The following BFSP2 variants were observed in gnomAD, a reference collection of about 807,000 sequenced individuals.
BFSP2 encodes phakinin.
Under a neutral mutation model 44.9 loss-of-function variants are expected in BFSP2, and 38 were observed. The observed-to-expected ratio is 0.85, with a 90% CI of 0.65 to 1.11. BFSP2 has a LOEUF of 1.11. BFSP2 is among the 50% of genes least tolerant of loss of function. The pLI is 0.00. For synonymous variants in BFSP2, 197 were observed against 209.9 expected (o/e 0.94, Z 0.53); for missense variants, 525 against 533.0 (o/e 0.99, Z 0.15).
intron 1 of BFSP2, among the ~76,000 whole-genome samples, chr3:133,417,175 A>C (rs1354189255): frequency 1.2e-4 from 7 of 60,292 alleles, no homozygotes; most frequent in African/African-American, 2.1e-4. Context: ...CACCCCTGCC[A>C]TCTCTCCTCT....
chr3:133,470,583 C>T (rs559028806), intron 5 of BFSP2, among the ~76,000 whole-genome samples: 1 of 152,144 alleles, frequency 6.6e-6, no homozygotes, highest in Non-Finnish European at 1.5e-5. Flanking sequence ...GGACATGGTG[C>T]ATGGGAAGAT....
intron 4 of BFSP2, among the ~76,000 whole-genome samples, chr3:133,460,625 G>T (rs370383728): frequency 6.6e-6 from 1 of 152,044 alleles, no homozygotes; most frequent in Non-Finnish European, 1.5e-5. Flanking sequence ...CTTTGTCCCC[G>T]GGGGGCTAAA....
intron 1 of BFSP2, among the ~76,000 whole-genome samples, chr3:133,413,691 A>G (rs1254522814): frequency 6.6e-6 from 1 of 152,088 alleles, no homozygotes; most frequent in Admixed American, 6.5e-5. Flanking sequence ...GGCTGTCACA[A>G]GTGCATTATT....
intron 3 of BFSP2, chr3:133,448,971 T>TC (rs398106469): frequency 2.9e-6 from 1 of 345,024 alleles, no homozygotes; most frequent in African/African-American, 2.1e-5. Context: ...GGTTTTTTTT[T>TC]CAACACTGTA....
chr3:133,472,297 G>A, intron 5 of BFSP2, 48 bp from the exon 6 acceptor site: 1 of 1,565,380 alleles, frequency 6.4e-7, no homozygotes, highest in Non-Finnish European at 8.6e-7. Flanking sequence ...CCTCTTCAAG[G>A]GCCCGGCCTG....
At chr3:133,457,977 A>G (rs1417279385) in intron 4 of BFSP2, among the ~76,000 whole-genome samples, 1 of 152,236 alleles carries the variant, frequency 6.6e-6, no homozygotes, top group Non-Finnish European at 1.5e-5. Flanking sequence ...ATTTCCATAT[A>G]TAGAAATGTA....
chr3:133,472,898 G>A (rs1358667238), intron 6 of BFSP2, among the ~76,000 whole-genome samples: 1 of 151,814 alleles, frequency 6.6e-6, no homozygotes, highest in Non-Finnish European at 1.5e-5. Context: ...CCTAATTAAT[G>A]AGGCTATAAA....
chr3:133,414,937 CT>C (rs2073500776), intron 1 of BFSP2, among the ~76,000 whole-genome samples: 2 of 116,772 alleles, frequency 1.7e-5, no homozygotes. Flanking sequence ...CTGCTCACCC[CT>C]CTACTCACCC....
chr3:133,441,935 G>T (rs1036057176), intron 1 of BFSP2, among the ~76,000 whole-genome samples: 2 of 152,172 alleles, frequency 1.3e-5, no homozygotes, highest in African/African-American at 4.8e-5. Flanking sequence ...GGAGGAGTGG[G>T]CCAGGCAGGG....
intron 1 of BFSP2, chr3:133,410,993 C>A (rs534789793): frequency 6.6e-6 from 1 of 152,320 alleles, no homozygotes; most frequent in Admixed American, 6.5e-5. Context: ...TGAGCCACTT[C>A]CAAGTGAATC....
At chr3:133,430,107 A>G (rs1296891588) in intron 1 of BFSP2, among the ~76,000 whole-genome samples, 1 of 151,902 alleles carries the variant, frequency 6.6e-6, no homozygotes, top group African/African-American at 2.4e-5. Context: ...ATGGCTGCAT[A>G]GTATTCCATA....
intron 1 of BFSP2, among the ~76,000 whole-genome samples, chr3:133,439,297 A>G (rs1002585321): frequency 3.9e-5 from 6 of 152,154 alleles, no homozygotes; most frequent in African/African-American, 1.4e-4. Flanking sequence ...TTTCTGCCTT[A>G]TGTGTTTGCT....
At chr3:133,459,931 T>C (rs939660749) in intron 4 of BFSP2, among the ~76,000 whole-genome samples, 1 of 152,216 alleles carries the variant, frequency 6.6e-6, no homozygotes, top group Non-Finnish European at 1.5e-5. Context: ...CTGGCCTACA[T>C]TGTAAACCTT....
At chr3:133,473,438 C>CAAAAAA (rs748691333) in intron 6 of BFSP2, among the ~76,000 whole-genome samples, 4 of 73,102 alleles carry the variant, frequency 5.5e-5, no homozygotes, top group Admixed American at 2.0e-4. Flanking sequence ...GAGGCAGCAG[C>CAAAAAA]AAAAAAAAAA....
chr3:133,423,217 C>A (rs920475800), intron 1 of BFSP2, among the ~76,000 whole-genome samples: 3 of 152,152 alleles, frequency 2.0e-5, no homozygotes, highest in African/African-American at 7.2e-5. Context: ...CAGAATATCA[C>A]AGTGGCTAAT....
chr3:133,470,420 T>C (rs2074151609), intron 5 of BFSP2, among the ~76,000 whole-genome samples: 1 of 152,250 alleles, frequency 6.6e-6, no homozygotes, highest in Non-Finnish European at 1.5e-5. Flanking sequence ...CAAAATTTAA[T>C]TCAATCCAAT....
chr3:133,420,984 A>G (rs981950808), intron 1 of BFSP2, among the ~76,000 whole-genome samples: 1 of 152,058 alleles, frequency 6.6e-6, no homozygotes, highest in Non-Finnish European at 1.5e-5. Context: ...AACCCCTAAG[A>G]GTCCATTTCC....
At chr3:133,473,772 G>T (rs2074189130) in intron 6 of BFSP2, among the ~76,000 whole-genome samples, 1 of 151,888 alleles carries the variant, frequency 6.6e-6, no homozygotes, top group African/African-American at 2.4e-5. Context: ...CACAGGGTTG[G>T]GGGTAAGGTC....
intron 1 of BFSP2, among the ~76,000 whole-genome samples, chr3:133,422,346 G>A (rs1392349599): frequency 1.3e-5 from 2 of 152,128 alleles, no homozygotes; most frequent in African/African-American, 4.8e-5. Context: ...CACACACAGG[G>A]AATAGGCAAG....
Sources: allele counts gnomAD v4.1 joint callset (sites outside exome capture counted in the v4.1 genomes callset), GRCh38; gene constraint gnomAD v4.1.1; transcripts MANE v1.5; gene names NCBI Gene and HGNC (gene_info 2026-07-23, HGNC 2026-07-21).